CDK14: variants seen among roughly 807,000 people sequenced by gnomAD.
CDK14 encodes the protein cyclin dependent kinase 14.
Under a neutral mutation model 60.7 loss-of-function variants are expected in CDK14, and 34 were observed. The ratio of observed to expected loss-of-function variants is 0.56; its 90% CI spans 0.43 to 0.75. CDK14 has a LOEUF of 0.75. Ranked by LOEUF, CDK14 falls within the 30% of genes least tolerant of loss-of-function variation. The probability of loss-of-function intolerance (pLI) is 0.00; values close to 1 mark genes in which losing one functional copy is unlikely to be tolerated. For synonymous variants in CDK14, 197 were observed against 203.7 expected (o/e 0.97, Z 0.28); for missense variants, 482 against 564.1 (o/e 0.85, Z 1.47).
intron 12 of CDK14, among the ~76,000 whole-genome samples, chr7:91,106,925 T>C (rs931312116): frequency 6.6e-6 from 1 of 152,210 alleles, no homozygotes; most frequent in Non-Finnish European, 1.5e-5. Context: ...GCATGACTTC[T>C]GTGCAAACAG....
intron 2 of CDK14, among the ~76,000 whole-genome samples, chr7:90,690,450 A>G (rs1010794672): frequency 1.3e-5 from 2 of 152,208 alleles, no homozygotes; most frequent in African/African-American, 4.8e-5. Context: ...ATATGGCAAT[A>G]CCTGTAAAAT....
At chr7:90,925,403 G>T (rs1024004638) in intron 8 of CDK14, among the ~76,000 whole-genome samples, 1 of 152,218 alleles carries the variant, frequency 6.6e-6, no homozygotes, top group African/African-American at 2.4e-5. Context: ...CCCATATCAT[G>T]CGAATGGAAT....
At chr7:90,649,366 TTTCC>T (rs869197484) in intron 2 of CDK14, among the ~76,000 whole-genome samples, 598 of 22,092 alleles carry the variant, frequency 0.027, 51 homozygotes, top group Non-Finnish European at 0.031. Context: ...CCTTCCTTCC[TTTCC>T]TTCCTTCCTT....
intron 10 of CDK14, among the ~76,000 whole-genome samples, chr7:91,014,542 T>C (rs985432454): frequency 6.6e-6 from 1 of 152,160 alleles, no homozygotes; most frequent in Non-Finnish European, 1.5e-5. Context: ...TGATGATTTT[T>C]CCCTTATTTT....
At chr7:90,812,758 C>T (rs1390320219) in intron 5 of CDK14, among the ~76,000 whole-genome samples, 1 of 152,092 alleles carries the variant, frequency 6.6e-6, no homozygotes, top group Non-Finnish European at 1.5e-5. Flanking sequence ...ATTGAGGGGA[C>T]CAACAATACC....
At chr7:91,128,596 A>G (rs1800020481) in intron 14 of CDK14, among the ~76,000 whole-genome samples, 1 of 152,162 alleles carries the variant, frequency 6.6e-6, no homozygotes, top group African/African-American at 2.4e-5. Context: ...GAGGGAAAAC[A>G]TTGTCAAAAA....
intron 9 of CDK14, among the ~76,000 whole-genome samples, chr7:90,977,998 G>A (rs1437722029): frequency 6.6e-6 from 1 of 152,112 alleles, no homozygotes; most frequent in Non-Finnish European, 1.5e-5. Flanking sequence ...AGACACTGGG[G>A]CTGGGGCTGT....
chr7:90,901,689 T>TATAC (rs375384931), intron 7 of CDK14, among the ~76,000 whole-genome samples: 13,886 of 149,900 alleles, frequency 0.093, 751 homozygotes, highest in Middle Eastern at 0.13. Flanking sequence ...TATATATATA[T>TATAC]ACACACACAC....
At chr7:90,607,153 G>A (rs1422186134) in intron 2 of CDK14, among the ~76,000 whole-genome samples, 1 of 152,164 alleles carries the variant, frequency 6.6e-6, no homozygotes, top group Non-Finnish European at 1.5e-5. Flanking sequence ...CTAAAACTCT[G>A]CTTATGTACA....
At chr7:91,073,541 C>CA (rs1272900189) in intron 11 of CDK14, among the ~76,000 whole-genome samples, 3 of 152,070 alleles carry the variant, frequency 2.0e-5, no homozygotes, top group Non-Finnish European at 4.4e-5. Flanking sequence ...GTAGCCACTG[C>CA]AAAAAACACA....
chr7:90,789,363 T>A (rs1218409817), intron 4 of CDK14, among the ~76,000 whole-genome samples: 1 of 152,148 alleles, frequency 6.6e-6, no homozygotes, highest in Non-Finnish European at 1.5e-5. Flanking sequence ...TTTATGTGTA[T>A]ATATATGTGT....
intron 5 of CDK14, among the ~76,000 whole-genome samples, chr7:90,837,693 G>C (rs955417589): frequency 6.6e-6 from 1 of 152,094 alleles, no homozygotes; most frequent in Non-Finnish European, 1.5e-5. Flanking sequence ...AGCAGAGCCT[G>C]TTCTTCTTTG....
At chr7:90,781,616 G>T (rs901811814) in intron 4 of CDK14, among the ~76,000 whole-genome samples, 1 of 150,618 alleles carries the variant, frequency 6.6e-6, no homozygotes, top group South Asian at 2.1e-4. Flanking sequence ...AAAGGATCCA[G>T]TTTCAGCTTT....
intron 14 of CDK14, among the ~76,000 whole-genome samples, chr7:91,190,372 G>T (rs373437619): frequency 1.7e-4 from 26 of 152,220 alleles, no homozygotes; most frequent in African/African-American, 6.3e-4. Flanking sequence ...CATTGAGGTA[G>T]AGAGCTGAAA....
intron 14 of CDK14, among the ~76,000 whole-genome samples, chr7:91,184,357 G>C (rs1361601146): frequency 6.6e-6 from 1 of 151,826 alleles, no homozygotes; most frequent in Non-Finnish European, 1.5e-5. Context: ...ACATAATGTG[G>C]TATGATCAAG....
chr7:90,949,518 T>A (rs1332961555), intron 8 of CDK14, among the ~76,000 whole-genome samples: 1 of 152,140 alleles, frequency 6.6e-6, no homozygotes, highest in Non-Finnish European at 1.5e-5. Context: ...AATATATTTT[T>A]TAAAAAATCT....
intron 14 of CDK14, among the ~76,000 whole-genome samples, chr7:91,119,491 A>T (rs1003910874): frequency 2.0e-5 from 3 of 152,254 alleles, no homozygotes; most frequent in African/African-American, 7.2e-5. Flanking sequence ...CTCAAAAAGT[A>T]AATAAATAAA....
At chr7:90,645,906 CT>C (rs954261758) in intron 2 of CDK14, among the ~76,000 whole-genome samples, 8 of 152,298 alleles carry the variant, frequency 5.3e-5, no homozygotes, top group African/African-American at 1.9e-4. Context: ...TAGTAGATTT[CT>C]TTTAAGCAGA....
At chr7:91,060,797 G>A (rs1296437761) in intron 11 of CDK14, among the ~76,000 whole-genome samples, 1 of 152,116 alleles carries the variant, frequency 6.6e-6, no homozygotes, top group Non-Finnish European at 1.5e-5. Flanking sequence ...TTCCCTTTGT[G>A]GGTAACCCGA....
Sources: gnomAD v4.1 joint callset for allele counts (sites outside exome capture counted in the v4.1 genomes callset) on GRCh38, gnomAD v4.1.1 for gene constraint, MANE v1.5 for transcripts, NCBI Gene and HGNC (gene_info 2026-07-23, HGNC 2026-07-21) for gene names.